The following PCNX1 variants were observed in gnomAD, a reference collection of about 807,000 sequenced individuals.
PCNX1 encodes the protein pecanex-like protein 1.
Under a neutral mutation model 242.2 loss-of-function variants are expected in PCNX1, and 78 were observed. That is an observed-to-expected ratio of 0.32 (90% CI 0.27 to 0.39). PCNX1 has a LOEUF of 0.39. PCNX1 is among the 10% of genes least tolerant of loss of function. The pLI, the probability that PCNX1 is intolerant of heterozygous loss-of-function variation, is 1.00. For synonymous variants in PCNX1, 1,024 were observed against 1,032.9 expected, an observed-to-expected ratio of 0.99 and a Z score of 0.17; for missense variants, 2,581 against 2,856.5, an observed-to-expected ratio of 0.90 and a Z score of 2.20.
At chr14:70,956,416 T>C (rs1783755025) in intron 2 of PCNX1, among the ~76,000 whole-genome samples, 1 of 151,778 alleles carries the variant, frequency 6.6e-6, no homozygotes. Flanking sequence ...ATTAGCCGGG[T>C]GTGGTGGCAT....
chr14:71,106,122 T>C (rs934736209), intron 33 of PCNX1, among the ~76,000 whole-genome samples: 6 of 152,052 alleles, frequency 3.9e-5, no homozygotes, highest in African/African-American at 1.4e-4. Context: ...CACACCATTC[T>C]CCTACCTCAG....
intron 1 of PCNX1, among the ~76,000 whole-genome samples, chr14:70,909,453 A>G (rs1472807591): frequency 6.6e-6 from 1 of 152,158 alleles, no homozygotes; most frequent in South Asian, 2.1e-4. Flanking sequence ...TGAACGGGTT[A>G]ATTACTTTGG....
rs1177866791 is a variant in PCNX1, at chr14:71,113,790, G to A, written c.*3855G>A. ...TTAACCATAAACTGCTGTCCAGATTGTTAATTTCATTTATATTTATTTTAA... is the reference window on the plus strand; with the variant it reads ...TTAACCATAAACTGCTGTCCAGATTATTAATTTCATTTATATTTATTTTAA... On this transcript the variant is annotated 3_prime_UTR_variant, in exon 36 of 36. Coordinates refer to ENST00000304743, the MANE Select transcript of PCNX1 (RefSeq NM_014982.3). 1 of 152,122 alleles carries A rather than the reference G, an allele frequency of 6.6e-6. No individual in the cohort carries two copies. The highest frequency in any genetic ancestry group is 1.5e-5 in the Non-Finnish European group (1 of 68,016). 9.4% of individuals were successfully genotyped at this position (152,122 alleles called of 1,614,324 possible).
At chr14:70,939,283 C>T (rs978811548) in intron 1 of PCNX1, among the ~76,000 whole-genome samples, 6 of 152,172 alleles carry the variant, frequency 3.9e-5, no homozygotes, top group African/African-American at 1.4e-4. Flanking sequence ...CTATAAATTT[C>T]CCTCTACACA....
At chr14:71,095,742 C>A (rs1007110655) in intron 30 of PCNX1, among the ~76,000 whole-genome samples, 3 of 152,132 alleles carry the variant, frequency 2.0e-5, no homozygotes, top group African/African-American at 7.2e-5. Flanking sequence ...AGAGGCACCT[C>A]ACAGTTTTCA....
chr14:70,908,414 C>T (rs534646211), intron 1 of PCNX1, among the ~76,000 whole-genome samples: 1 of 152,114 alleles, frequency 6.6e-6, no homozygotes, highest in Non-Finnish European at 1.5e-5. Context: ...CTCGGGCGCC[C>T]GGCATCCGGC....
intron 4 of PCNX1, 47 bp from the exon 5 acceptor site, chr14:70,968,974 C>T (rs1189153574): frequency 2.8e-6 from 3 of 1,063,890 alleles, no homozygotes. Context: ...CACCCTACAG[C>T]CTTACTGTTA....
At chr14:71,006,103 C>CTGTG (rs60147260) in intron 8 of PCNX1, among the ~76,000 whole-genome samples, 42 of 114,238 alleles carry the variant, frequency 3.7e-4, no homozygotes, top group South Asian at 6.3e-4. Flanking sequence ...GTGTGTGTGT[C>CTGTG]TGTGTGTGTG....
chr14:70,921,125 G>A (rs951380070), intron 1 of PCNX1, among the ~76,000 whole-genome samples: 4 of 152,086 alleles, frequency 2.6e-5, no homozygotes, highest in African/African-American at 9.7e-5. Context: ...TTCTTGGTAT[G>A]TATCTGGAAT....
At chr14:71,011,741 A>G (rs1427927584) in intron 10 of PCNX1, 192 bp downstream of exon 10, 2 of 563,716 alleles carry the variant, frequency 3.5e-6, no homozygotes, top group Non-Finnish European at 6.3e-6. Flanking sequence ...AAACAAAAGT[A>G]CAAGGTTAAG....
At chr14:71,098,366 G>A (rs2062356869) in intron 30 of PCNX1, among the ~76,000 whole-genome samples, 1 of 152,076 alleles carries the variant, frequency 6.6e-6, no homozygotes, top group East Asian at 1.9e-4. Flanking sequence ...GATTGCCTTG[G>A]GCAGTATGGC....
At chr14:71,068,555 T>C (rs2061509396) in intron 26 of PCNX1, among the ~76,000 whole-genome samples, 1 of 148,806 alleles carries the variant, frequency 6.7e-6, no homozygotes, top group African/African-American at 2.5e-5. Context: ...TCCTGGACTC[T>C]TTGGTTGGTA....
At chr14:71,087,278 G>A (rs534711301) in intron 28 of PCNX1, among the ~76,000 whole-genome samples, 18 of 152,076 alleles carry the variant, frequency 1.2e-4, no homozygotes, top group South Asian at 8.3e-4. Context: ...ACTAGAGTAC[G>A]TGCTGTAAGA....
At chr14:71,024,971 T>C (rs1042663286) in intron 13 of PCNX1, among the ~76,000 whole-genome samples, 1 of 152,210 alleles carries the variant, frequency 6.6e-6, no homozygotes, top group Non-Finnish European at 1.5e-5. Context: ...AAATACCTCA[T>C]AGAGAGATAC....
chr14:71,091,865 G>T (rs981403393), intron 30 of PCNX1, among the ~76,000 whole-genome samples: 8 of 152,164 alleles, frequency 5.3e-5, no homozygotes, highest in Non-Finnish European at 7.3e-5. Flanking sequence ...CTCAAATGTT[G>T]GGAGTATGCT....
chr14:71,083,985 A>T (rs560516143), intron 28 of PCNX1, among the ~76,000 whole-genome samples: 14 of 152,138 alleles, frequency 9.2e-5, no homozygotes, highest in African/African-American at 3.4e-4. Flanking sequence ...ATCTTCGTGG[A>T]TTTATCTACC....
At chr14:71,065,713 T>C (rs956191588) in intron 26 of PCNX1, among the ~76,000 whole-genome samples, 2 of 152,154 alleles carry the variant, frequency 1.3e-5, no homozygotes, top group African/African-American at 4.8e-5. Context: ...AATGGTATTG[T>C]CTAGCTTTTC....
intron 30 of PCNX1, among the ~76,000 whole-genome samples, chr14:71,090,971 CT>C (rs2062113401): frequency 6.6e-6 from 1 of 152,142 alleles, no homozygotes; most frequent in Non-Finnish European, 1.5e-5. Context: ...ATCAGTGATT[CT>C]TTACTTTATA....
chr14:70,992,865 A>G (rs2059210012), intron 7 of PCNX1, among the ~76,000 whole-genome samples: 1 of 152,206 alleles, frequency 6.6e-6, no homozygotes, highest in Admixed American at 6.5e-5. Context: ...TGTGAAAATA[A>G]TGGACTTTTT....
Sources: gnomAD v4.1 joint callset for allele counts (sites outside exome capture counted in the v4.1 genomes callset) on GRCh38, gnomAD v4.1.1 for gene constraint, MANE v1.5 for transcripts, NCBI Gene and HGNC (gene_info 2026-07-23, HGNC 2026-07-21) for gene names.